The following GATAD2A variants were observed in gnomAD, a reference collection of about 807,000 sequenced individuals.
GATAD2A encodes the protein GATA zinc finger domain containing 2A.
In GATAD2A, 12 loss-of-function variants were observed where a neutral mutation model predicts 68.5. The ratio of observed to expected loss-of-function variants is 0.18; its 90% confidence interval spans 0.11 to 0.28. GATAD2A has a LOEUF of 0.28. GATAD2A is among the 10% of genes least tolerant of loss of function. GATAD2A has a pLI of 1.00. For synonymous variants in GATAD2A, 410 were observed against 375.3 expected, an observed-to-expected ratio of 1.09 and a Z score of -1.07; for missense variants, 755 against 868.5, an observed-to-expected ratio of 0.87 and a Z score of 1.64.
At chr19:19,460,785 G>A (rs994022744) in intron 1 of GATAD2A, among the ~76,000 whole-genome samples, 3 of 152,058 alleles carry the variant, frequency 2.0e-5, no homozygotes, top group African/African-American at 7.2e-5. Flanking sequence ...CATAGGAACC[G>A]CTCCCCTGCC....
rs775678106 is a variant in GATAD2A at position 19,501,281 on chromosome 19, C to T, written c.1368C>T (p.Thr456=). The T allele has an allele frequency of 1.9e-6, 3 of 1,613,228 alleles. No individual in the cohort carries two copies. The highest frequency in any genetic ancestry group is 1.7e-5 in the Admixed American group (1 of 60,012). ...AGAAGGCGCTCAAGGTGGAGCACAC[C>T]AGCCGGCTGAAGGCCGCCTTTGTGA... The part of the protein sequence containing the change: ...NQKKALKVEH[T]SRLKAAFVKA... The change falls in exon 9 of 12, where the codon ACC becomes ACT. Residue 456 remains threonine, a synonymous_variant. Coordinates refer to ENST00000683918, the MANE Select transcript of GATAD2A (RefSeq NM_001384528.1).
chr19:19,475,682 C>T (rs2058632511), intron 2 of GATAD2A, among the ~76,000 whole-genome samples: 1 of 152,152 alleles, frequency 6.6e-6, no homozygotes, highest in South Asian at 2.1e-4. Flanking sequence ...GAGGTATGTT[C>T]CCTTGGGAAT....
chr19:19,386,384 C>T (rs1286354116), intron 1 of GATAD2A, among the ~76,000 whole-genome samples: 2 of 151,882 alleles, frequency 1.3e-5, no homozygotes, highest in Admixed American at 1.3e-4. Flanking sequence ...TAGGGGCCTC[C>T]CTCCTCTCCA....
chr19:19,474,994 A>C (rs544394435), intron 2 of GATAD2A, among the ~76,000 whole-genome samples: 1 of 152,326 alleles, frequency 6.6e-6, no homozygotes, highest in Non-Finnish European at 1.5e-5. Context: ...CCCTTGTGCT[A>C]GTCAGTCACA....
chr19:19,478,604 GAA>G (rs989306380), intron 2 of GATAD2A, among the ~76,000 whole-genome samples: 7 of 150,900 alleles, frequency 4.6e-5, no homozygotes, highest in African/African-American at 1.7e-4. Context: ...AAAAAAAAAA[GAA>G]AAAAAATTTC....
intron 1 of GATAD2A, among the ~76,000 whole-genome samples, chr19:19,428,916 C>T (rs1466327421): frequency 6.6e-6 from 1 of 152,196 alleles, no homozygotes; most frequent in East Asian, 1.9e-4. Flanking sequence ...TCTGGACTCA[C>T]CCCAGGGGCT....
chr19:19,405,499 C>T (rs751765199), upstream of GATAD2A, among the ~76,000 whole-genome samples: 174 of 152,230 alleles, frequency 1.1e-3, 1 homozygote, highest in Admixed American at 0.011. Flanking sequence ...AGCCGGAGCC[C>T]GCGTGGGAAA....
At chr19:19,416,265 C>T (rs2051627136) in intron 1 of GATAD2A, among the ~76,000 whole-genome samples, 1 of 151,984 alleles carries the variant, frequency 6.6e-6, no homozygotes, top group Admixed American at 6.6e-5. Context: ...GTGTTAGTCC[C>T]GGGCAAGAGC....
chr19:19,474,529 A>G (rs191893774), intron 2 of GATAD2A, among the ~76,000 whole-genome samples: 32 of 151,856 alleles, frequency 2.1e-4, no homozygotes, highest in South Asian at 1.9e-3. Context: ...GTGTTTTGGG[A>G]TTTGCCCCTG....
chr19:19,500,486 T>C (rs2060456902), intron 8 of GATAD2A, among the ~76,000 whole-genome samples: 2 of 148,396 alleles, frequency 1.3e-5, no homozygotes, highest in Non-Finnish European at 3.0e-5. Context: ...CGCCCAGACC[T>C]CACGCCCGAG....
At chr19:19,417,025 G>A (rs1479677823) in intron 1 of GATAD2A, among the ~76,000 whole-genome samples, 1 of 152,188 alleles carries the variant, frequency 6.6e-6, no homozygotes, top group Non-Finnish European at 1.5e-5. Context: ...GCCTCCCAAA[G>A]TGCTGGGATT....
At position 19,496,261 on chromosome 19, in the gene GATAD2A, C is replaced by T. The variant is rs374829526; in HGVS notation, c.924+42C>T. On this transcript the variant is annotated intron_variant, in intron 7 of 11. Transcript: ENST00000683918. Reference sequence around the variant, plus strand: ...ACTGTGCCAGGGAGAGTGTGTGTCCCACCTGTGACTGCTCCCCTTGGACCC... The same window carrying T: ...ACTGTGCCAGGGAGAGTGTGTGTCCTACCTGTGACTGCTCCCCTTGGACCC... 147 of 1,559,564 alleles carry T rather than the reference C, an allele frequency of 9.4e-5. No homozygotes were observed. In the African/African-American group the frequency reaches 1.6e-3, roughly 17 times the overall value.
At chr19:19,453,043 C>T (rs1320472002) in intron 1 of GATAD2A, among the ~76,000 whole-genome samples, 1 of 152,236 alleles carries the variant, frequency 6.6e-6, no homozygotes, top group Non-Finnish European at 1.5e-5. Flanking sequence ...CACTGGGCAT[C>T]CCTGTAGCCC....
At chr19:19,430,405 C>T (rs2053593243) in intron 1 of GATAD2A, among the ~76,000 whole-genome samples, 1 of 152,162 alleles carries the variant, frequency 6.6e-6, no homozygotes, top group South Asian at 2.1e-4. Context: ...CTGGGTGACC[C>T]TGTGAAGGGG....
chr19:19,460,097 C>T (rs2057292444), intron 1 of GATAD2A, among the ~76,000 whole-genome samples: 1 of 152,210 alleles, frequency 6.6e-6, no homozygotes, highest in Non-Finnish European at 1.5e-5. Flanking sequence ...AAACTTGGCC[C>T]ACCTATTCTC....
chr19:19,496,150 G>A lies in GATAD2A; in HGVS notation c.855G>A (p.Arg285=). Residue 285 remains arginine (R), a synonymous_variant, in exon 7 of 12, where the codon AGG becomes AGA. Coordinates refer to ENST00000683918, the MANE Select transcript of GATAD2A (RefSeq NM_001384528.1). ...SVPSVQIQGQ[R]IIQQGLIRVA... Reference sequence around the variant, plus strand: ...CCAGTGTGCAGATTCAGGGACAGAGGATCATCCAGCAGGGCCTCATCCGCG... The same window carrying A: ...CCAGTGTGCAGATTCAGGGACAGAGAATCATCCAGCAGGGCCTCATCCGCG... The A allele has an allele frequency of 6.2e-7, 1 of 1,613,780 alleles. No homozygotes were observed. The highest frequency in any genetic ancestry group is 1.1e-5 in the South Asian group (1 of 91,090).
intron 1 of GATAD2A, 93 bp downstream of exon 1, chr19:19,406,112 G>A (rs1001084386): frequency 6.6e-6 from 1 of 152,582 alleles, no homozygotes; most frequent in African/African-American, 2.4e-5. Context: ...GGGGCCTCGG[G>A]GGGCTCTGAA....
At chr19:19,415,909 C>G (rs888003704) in intron 1 of GATAD2A, among the ~76,000 whole-genome samples, 1 of 152,074 alleles carries the variant, frequency 6.6e-6, no homozygotes, top group African/African-American at 2.4e-5. Flanking sequence ...AGCCACCACG[C>G]CCGGCCGACT....
chr19:19,408,277 G>C (rs916139210), intron 1 of GATAD2A, among the ~76,000 whole-genome samples: 1 of 152,156 alleles, frequency 6.6e-6, no homozygotes, highest in Non-Finnish European at 1.5e-5. Context: ...GAGCCACCAC[G>C]CCTGGCGGAT....
Sources: gnomAD v4.1 joint callset for allele counts (sites outside exome capture counted in the v4.1 genomes callset) on GRCh38, gnomAD v4.1.1 for gene constraint, MANE v1.5 for transcripts, NCBI Gene and HGNC (gene_info 2026-07-23, HGNC 2026-07-21) for gene names.